LOC400499: variants seen among roughly 807,000 people sequenced by gnomAD.
At chr16:11,408,453 T>A in the LOC400499 span, among the ~76,000 whole-genome samples, 1 of 63,268 alleles carries the variant, frequency 1.6e-5, no homozygotes. Flanking sequence ...AGTGCAGGAT[T>A]TTTTTTTTTT....
the LOC400499 span, among the ~76,000 whole-genome samples, chr16:11,491,226 G>A: frequency 6.6e-6 from 1 of 152,130 alleles, no homozygotes; most frequent in Non-Finnish European, 1.5e-5. Context: ...GTGCATTATG[G>A]AAAATTTTTC....
the LOC400499 span, among the ~76,000 whole-genome samples, chr16:11,417,112 C>G: frequency 6.9e-6 from 1 of 145,776 alleles, no homozygotes; most frequent in Admixed American, 6.7e-5. Context: ...ATTGAAGTCC[C>G]ACCCCCCCTC....
the LOC400499 span, among the ~76,000 whole-genome samples, chr16:11,389,124 C>A: frequency 1.3e-5 from 2 of 152,124 alleles, no homozygotes; most frequent in Non-Finnish European, 2.9e-5. Flanking sequence ...CTCTCCCAGG[C>A]CTTTGTGCAG....
the LOC400499 span, among the ~76,000 whole-genome samples, chr16:11,410,322 C>T: frequency 1.7e-4 from 26 of 152,162 alleles, no homozygotes; most frequent in African/African-American, 2.4e-4. Context: ...GGCGTGGTGG[C>T]GCACGCCTGT....
At chr16:11,515,614 G>C in the LOC400499 span, among the ~76,000 whole-genome samples, 3 of 150,322 alleles carry the variant, frequency 2.0e-5, no homozygotes, top group Admixed American at 6.6e-5. Context: ...AAAGGAAGGA[G>C]GACCAAGAAG....
At chr16:11,432,047 G>GC in the LOC400499 span, among the ~76,000 whole-genome samples, 2 of 152,196 alleles carry the variant, frequency 1.3e-5, no homozygotes, top group Admixed American at 1.3e-4. Context: ...AGCCCAAGCA[G>GC]CCACTTGAAA....
the LOC400499 span, among the ~76,000 whole-genome samples, chr16:11,489,534 A>G: frequency 6.6e-6 from 1 of 152,076 alleles, no homozygotes; most frequent in Non-Finnish European, 1.5e-5. Flanking sequence ...GGGAGCCCCC[A>G]ACCCTCCCCC....
chr16:11,402,196 T>C, the LOC400499 span: 1 of 398,902 alleles, frequency 2.5e-6, no homozygotes, highest in South Asian at 1.3e-4. Context: ...GTAGGGCACG[T>C]GAGCTGAGGT....
chr16:11,443,456 A>T, the LOC400499 span: 1 of 339,846 alleles, frequency 2.9e-6, no homozygotes. Context: ...CAACAGAGTG[A>T]GACTCTGTCT....
chr16:11,497,301 G>C, the LOC400499 span, among the ~76,000 whole-genome samples: 12,119 of 152,288 alleles, frequency 0.08, 701 homozygotes, highest in African/African-American at 0.17. Flanking sequence ...AAGGACAGGG[G>C]TGTGTGGAGC....
At chr16:11,449,373 T>A in the LOC400499 span, among the ~76,000 whole-genome samples, 3 of 152,196 alleles carry the variant, frequency 2.0e-5, no homozygotes, top group South Asian at 2.1e-4. Context: ...GGGGAGGGAA[T>A]CTGATCTTGT....
At chr16:11,427,465 G>C in the LOC400499 span, among the ~76,000 whole-genome samples, 9 of 150,348 alleles carry the variant, frequency 6.0e-5, no homozygotes, top group African/African-American at 2.2e-4. Flanking sequence ...TTTTTTTTGA[G>C]ACAGGGTCTC....
chr16:11,478,048 C>G, the LOC400499 span: 1 of 394,804 alleles, frequency 2.5e-6, no homozygotes, highest in East Asian at 3.6e-5. Flanking sequence ...CTCGGTGGCT[C>G]ACGCCTGTAA....
the LOC400499 span, chr16:11,470,659 A>G: frequency 1.3e-5 from 2 of 152,284 alleles, no homozygotes; most frequent in African/African-American, 2.4e-5. Context: ...TGAGACACGC[A>G]GTGCCCGACC....
At chr16:11,427,270 C>A in the LOC400499 span, among the ~76,000 whole-genome samples, 1 of 132,386 alleles carries the variant, frequency 7.6e-6, no homozygotes, top group East Asian at 2.4e-4. Context: ...GGCTGAGGCA[C>A]AAGAATCGCA....
the LOC400499 span, among the ~76,000 whole-genome samples, chr16:11,389,640 G>A: frequency 8.3e-6 from 1 of 120,934 alleles, no homozygotes. Flanking sequence ...AGCCAAGATT[G>A]CACCACTGTA....
At chr16:11,498,631 A>G in the LOC400499 span, among the ~76,000 whole-genome samples, 1 of 150,110 alleles carries the variant, frequency 6.7e-6, no homozygotes, top group African/African-American at 2.5e-5. Context: ...GTGCATTCCC[A>G]GAACCTGCCA....
chr16:11,438,039 T>C, the LOC400499 span, among the ~76,000 whole-genome samples: 1 of 152,116 alleles, frequency 6.6e-6, no homozygotes, highest in Admixed American at 6.5e-5. Flanking sequence ...CTCCATGATC[T>C]TGGGCAAGTC....
the LOC400499 span, among the ~76,000 whole-genome samples, chr16:11,418,372 G>C: frequency 3.1e-3 from 478 of 152,234 alleles, 12 homozygotes; most frequent in East Asian, 0.071. Context: ...AGGTCATAAA[G>C]ACCTTGCTGA....
Sources: allele counts gnomAD v4.1 joint callset (sites outside exome capture counted in the v4.1 genomes callset), GRCh38; gene constraint gnomAD v4.1.1; transcripts MANE v1.5.